GSTA2: variants seen among roughly 807,000 people sequenced by gnomAD.
GSTA2 encodes glutathione S-transferase alpha 2, also known as glutathione S-transferase A2.
A neutral mutation model predicts 22.4 loss-of-function variants in GSTA2; 27 were observed. That is an observed-to-expected ratio of 1.21 (90% CI 0.89 to 1.67). GSTA2 has a LOEUF of 1.67. Ranked by LOEUF, GSTA2 falls within the 40% of genes most tolerant of loss-of-function variation. GSTA2 has a pLI of 0.00. For synonymous variants in GSTA2, 121 were observed against 86.8 expected, an observed-to-expected ratio of 1.39 and a Z score of -2.19; for missense variants, 302 against 260.2, an observed-to-expected ratio of 1.16 and a Z score of -1.11.
chr6:52,756,399 G>T, intron 2 of GSTA2, 90 bp from the exon 3 acceptor site: 1 of 1,046,024 alleles, frequency 9.6e-7, no homozygotes, highest in Non-Finnish European at 1.5e-6. Context: ...GCATCATTTG[G>T]AGAATATAAG....
intron 2 of GSTA2, 80 bp downstream of exon 2, chr6:52,757,781 T>C (rs1762873129): frequency 8.4e-7 from 1 of 1,183,764 alleles, no homozygotes; most frequent in South Asian, 1.2e-5. Context: ...CAGTTAGTAA[T>C]CATCTCATAG....
chr6:52,762,817 C>A (rs1334643070), intron 1 of GSTA2, among the ~76,000 whole-genome samples: 3 of 152,164 alleles, frequency 2.0e-5, no homozygotes, highest in African/African-American at 7.2e-5. Flanking sequence ...TAGAAATATC[C>A]TAGAGTGGGC....
chr6:52,762,799 G>A (rs1416100622), intron 1 of GSTA2, among the ~76,000 whole-genome samples: 1 of 152,160 alleles, frequency 6.6e-6, no homozygotes, highest in Admixed American at 6.6e-5. Flanking sequence ...CACCCCTTCA[G>A]GGATGCTTAG....
At position 52,752,971 on chromosome 6, in the gene GSTA2, T is replaced by C. The variant is rs376074279; in HGVS notation, c.297A>G (p.Ile99Met). The stretch of plus-strand genomic sequence containing the variant: ...GAAGGATCATTTCACCCAAATCTGC[T>C]ATACCTTCTATATACATATCAATCC... ...KALIDMYIEGIADLGEMILLL... is the reference protein window; with the variant it reads ...KALIDMYIEGMADLGEMILLL... Residue 99 changes from isoleucine to methionine, a missense_variant, in exon 5 of 7, where the codon ATA becomes ATG. Transcript: ENST00000493422. 3.2e-5 allele frequency: 52 copies of C among 1,612,938 alleles called. No homozygotes were observed. In the African/African-American group the frequency reaches 5.7e-4, roughly 18 times the overall value.
chr6:52,756,387 G>T, intron 2 of GSTA2, 78 bp from the exon 3 acceptor site: 1 of 1,128,710 alleles, frequency 8.9e-7, no homozygotes, highest in Non-Finnish European at 1.3e-6. Flanking sequence ...CCTCTATCTG[G>T]TGCATCATTT....
intron 4 of GSTA2, 54 bp from the exon 5 acceptor site, chr6:52,753,049 G>A: frequency 6.6e-7 from 1 of 1,517,698 alleles, no homozygotes; most frequent in Non-Finnish European, 8.9e-7. Flanking sequence ...AGATTTTATA[G>A]GTTTATAAAA....
intron 1 of GSTA2, among the ~76,000 whole-genome samples, chr6:52,759,216 G>T (rs1762905429): frequency 6.6e-6 from 1 of 152,178 alleles, no homozygotes; most frequent in Non-Finnish European, 1.5e-5. Flanking sequence ...TTGCATGTGT[G>T]CATGCTCACT....
At chr6:52,753,182 G>A (rs1313832424) in intron 4 of GSTA2, among the ~76,000 whole-genome samples, 187 bp from the exon 5 acceptor site, 2 of 151,012 alleles carry the variant, frequency 1.3e-5, no homozygotes, top group Non-Finnish European at 2.9e-5. Context: ...GAGTTTTACA[G>A]GTATATTAAC....
At chr6:52,756,599 G>A (rs1366304169) in intron 2 of GSTA2, among the ~76,000 whole-genome samples, 3 of 152,186 alleles carry the variant, frequency 2.0e-5, no homozygotes, top group African/African-American at 4.8e-5. Context: ...TGGAGAAAAG[G>A]CACTGAGCAG....
rs147366157 is a variant in GSTA2, at chr6:52,762,770, C to A, written c.-31+674G>T. Among the ~76,000 whole-genome samples the A allele has an allele frequency of 9.4e-3, 1,427 of 152,308 alleles. 25 individuals are homozygous for A. The highest frequency in any genetic ancestry group is 0.033 in the African/African-American group (1,374 of 41,566). ...CATCCCACCCAACAAGAAACACCCA[C>A]AGGTGTGGAGGGGCAGGCCACCCCT... On this transcript the variant is annotated intron_variant, in intron 1 of 6. Coordinates refer to ENST00000493422, the MANE Select transcript of GSTA2 (RefSeq NM_000846.5).
intron 3 of GSTA2, 81 bp from the exon 4 acceptor site, chr6:52,755,156 T>C: frequency 6.4e-7 from 1 of 1,557,006 alleles, no homozygotes; most frequent in Non-Finnish European, 8.7e-7. Flanking sequence ...GTTGTTGAAA[T>C]GACTAAATTT....
At chr6:52,755,405 T>G (rs113530209) in intron 3 of GSTA2, among the ~76,000 whole-genome samples, 2,709 of 151,990 alleles carry the variant, frequency 0.018, 85 homozygotes, top group African/African-American at 0.061. Context: ...GAAGAGATGG[T>G]GTCTCACCAT....
chr6:52,756,914 G>A (rs185258596), intron 2 of GSTA2, among the ~76,000 whole-genome samples: 2,688 of 151,836 alleles, frequency 0.018, 84 homozygotes, highest in African/African-American at 0.061. Context: ...TCCCACACTA[G>A]CATTATTTTT....
At chr6:52,755,457 A>G (rs537675925) in intron 3 of GSTA2, among the ~76,000 whole-genome samples, 3 of 152,232 alleles carry the variant, frequency 2.0e-5, no homozygotes, top group South Asian at 2.1e-4. Flanking sequence ...GAAGTCATCC[A>G]CCTGCCTCAG....
intron 1 of GSTA2, among the ~76,000 whole-genome samples, chr6:52,763,065 G>C (rs866218051): frequency 2.8e-4 from 42 of 152,230 alleles, no homozygotes; most frequent in African/African-American, 9.6e-4. Context: ...TAGAATTACA[G>C]TGTCACAATT....
chr6:52,750,654 G>A lies in GSTA2; in HGVS notation c.592C>T (p.Leu198=). 6.8e-6 allele frequency: 11 copies of A among 1,613,472 alleles called. No homozygotes were observed. The highest frequency in any genetic ancestry group is 8.5e-6 in the Non-Finnish European group (10 of 1,179,816). The stretch of plus-strand genomic sequence containing the variant: ...GGCTTCCTTGGGCTGCCAGGCTGTA[G>A]AAACTTCTTCACTGTGGGCAGGTTA... ...ISNLPTVKKF[L]QPGSPRKPPM... Residue 198 remains leucine, a synonymous_variant, in exon 7 of 7, where the codon CTA becomes TTA. Transcript: ENST00000493422.
At chr6:52,754,406 C>A (rs1268593919) in intron 4 of GSTA2, among the ~76,000 whole-genome samples, 1 of 152,176 alleles carries the variant, frequency 6.6e-6, no homozygotes, top group Non-Finnish European at 1.5e-5. Context: ...GGCCTTCTAT[C>A]CATGTGTCAA....
In GSTA2 at chr6:52,750,402, A is replaced by C; in HGVS notation, c.*175T>G. 1.8e-6 allele frequency: 1 copy of C among 567,712 alleles called. No individual in the cohort carries two copies. Among genetic ancestry groups the C allele is most frequent in the East Asian group, 3.2e-5 (1 of 31,084 alleles). 35.2% of individuals were successfully genotyped at this position (567,712 alleles called of 1,614,324 possible). A position where few individuals can be genotyped will look rare whatever the true frequency, so the allele number is the denominator to read the frequency against. The stretch of plus-strand genomic sequence containing the variant: ...GAATTCACATCAGATCCTAATGAGA[A>C]GAAATCAATTTTAACTAAGTGGGTG... On this transcript the variant is annotated 3_prime_UTR_variant, in exon 7 of 7. Coordinates refer to ENST00000493422, the MANE Select transcript of GSTA2 (RefSeq NM_000846.5).
chr6:52,751,747 A>G (rs756865944), intron 5 of GSTA2, 39 bp from the exon 6 acceptor site: 13 of 1,613,822 alleles, frequency 8.1e-6, no homozygotes, highest in Non-Finnish European at 1.1e-5. Flanking sequence ...ACACATGCCC[A>G]CCCAGGCTGG....
Sources: gnomAD v4.1 joint callset for allele counts (sites outside exome capture counted in the v4.1 genomes callset) on GRCh38, gnomAD v4.1.1 for gene constraint, MANE v1.5 for transcripts, NCBI Gene and HGNC (gene_info 2026-07-23, HGNC 2026-07-21) for gene names.